Variants in GLRA3 observed in about 807,000 individuals in gnomAD.
The protein encoded by GLRA3 is glycine receptor subunit alpha-3.
A neutral mutation model predicts 60.4 loss-of-function variants in GLRA3; 44 were observed. The observed-to-expected ratio is 0.73, with a 90% confidence interval of 0.57 to 0.94. GLRA3 has a LOEUF of 0.94. GLRA3 is among the 40% of genes least tolerant of loss of function. The pLI, the probability that GLRA3 is intolerant of heterozygous loss-of-function variation, is 0.00. For synonymous variants in GLRA3, 223 were observed against 192.9 expected, an observed-to-expected ratio of 1.16 and a Z score of -1.29; for missense variants, 508 against 564.6, an observed-to-expected ratio of 0.90 and a Z score of 1.02.
intron 3 of GLRA3, among the ~76,000 whole-genome samples, chr4:174,764,217 AAT>A (rs1422550558): frequency 6.6e-6 from 1 of 151,006 alleles, no homozygotes; most frequent in African/African-American, 2.5e-5. Flanking sequence ...AAAGTAGACT[AAT>A]AGAGAAATTT....
At chr4:174,704,953 G>C (rs7658261) in intron 5 of GLRA3, among the ~76,000 whole-genome samples, 62,613 of 141,584 alleles carry the variant, frequency 0.44, 18,962 homozygotes, top group East Asian at 0.92. Context: ...GAAATGGAGA[G>C]TTGTTTAATG....
chr4:174,803,835 A>G (rs1482444994), intron 1 of GLRA3, among the ~76,000 whole-genome samples: 3 of 152,208 alleles, frequency 2.0e-5, no homozygotes, highest in Admixed American at 2.0e-4. Context: ...GCACCATAAA[A>G]TTAAGAATCT....
At chr4:174,741,189 C>T (rs563602719) in intron 3 of GLRA3, among the ~76,000 whole-genome samples, 23 of 152,224 alleles carry the variant, frequency 1.5e-4, no homozygotes, top group Middle Eastern at 3.4e-3. Context: ...TTTGCACTTC[C>T]GTCAATTATA....
chr4:174,782,481 G>A (rs1166548253), intron 2 of GLRA3, among the ~76,000 whole-genome samples: 1 of 149,044 alleles, frequency 6.7e-6, no homozygotes, highest in Non-Finnish European at 1.5e-5. Flanking sequence ...AATTAGGCAG[G>A]AGAAGGAAAT....
intron 3 of GLRA3, among the ~76,000 whole-genome samples, chr4:174,736,605 A>C (rs781482869): frequency 6.6e-6 from 1 of 152,224 alleles, no homozygotes; most frequent in African/African-American, 2.4e-5. Flanking sequence ...TCCACTTAGC[A>C]TAAGTTTTTA....
intron 1 of GLRA3, 21 bp from the exon 2 acceptor site, chr4:174,788,964 A>G (rs759290680): frequency 1.3e-6 from 2 of 1,506,788 alleles, no homozygotes; most frequent in Non-Finnish European, 1.8e-6. Context: ...GAACAAAAAT[A>G]TAGACTTTAC....
At chr4:174,693,572 A>G (rs58123198) in intron 5 of GLRA3, among the ~76,000 whole-genome samples, 8,847 of 152,168 alleles carry the variant, frequency 0.058, 301 homozygotes, top group South Asian at 0.12. Context: ...CTTGTAGTAT[A>G]GTTTAAAGTT....
intron 7 of GLRA3, among the ~76,000 whole-genome samples, chr4:174,675,306 A>C (rs2110947316): frequency 6.6e-6 from 1 of 152,280 alleles, no homozygotes; most frequent in East Asian, 1.9e-4. Context: ...TTGAGAAAAA[A>C]ATACAAAGCA....
At chr4:174,753,757 G>A (rs1405571582) in intron 3 of GLRA3, among the ~76,000 whole-genome samples, 1 of 152,178 alleles carries the variant, frequency 6.6e-6, no homozygotes, top group Non-Finnish European at 1.5e-5. Context: ...AGGCAGAAAA[G>A]AGAAGAGTTG....
chr4:174,712,852 T>TAC (rs923077743), intron 5 of GLRA3: 15 of 152,056 alleles, frequency 9.9e-5, no homozygotes, highest in African/African-American at 3.6e-4. Flanking sequence ...CATGCATATA[T>TAC]ACACACATAT....
chr4:174,698,594 AAT>A (rs1336887608), intron 5 of GLRA3, among the ~76,000 whole-genome samples: 2 of 152,222 alleles, frequency 1.3e-5, no homozygotes, highest in Admixed American at 6.5e-5. Flanking sequence ...AGTTCTGCAT[AAT>A]ATTAGCAAGA....
intron 1 of GLRA3, among the ~76,000 whole-genome samples, chr4:174,805,441 CA>C (rs1018494709): frequency 6.6e-6 from 1 of 152,110 alleles, no homozygotes; most frequent in Non-Finnish European, 1.5e-5. Context: ...TGAGAACACT[CA>C]AGAAGCTACA....
chr4:174,653,437 T>C (rs957429313), intron 9 of GLRA3, among the ~76,000 whole-genome samples: 2 of 151,956 alleles, frequency 1.3e-5, no homozygotes, highest in African/African-American at 4.8e-5. Flanking sequence ...AGTCAATCGT[T>C]AATATAAAAT....
rs28646055 is a variant in GLRA3, at chr4:174,796,993, G to C, written c.72-8050C>G. 4.8e-3 allele frequency among the ~76,000 whole-genome samples: 736 copies of C among 152,184 alleles called. 4 individuals carry two copies. Among genetic ancestry groups the C allele is most frequent in the African/African-American group, 0.017 (714 of 41,488 alleles). On this transcript the variant is annotated intron_variant, in intron 1 of 9. Transcript: ENST00000274093. ...TTAGCAGACAGCCCTTAGAAAACTA[G>C]TCATTTAAGGGAACTCACAGTAATA...
intron 1 of GLRA3, among the ~76,000 whole-genome samples, chr4:174,798,306 G>C (rs1381984657): frequency 6.6e-6 from 1 of 151,992 alleles, no homozygotes; most frequent in Non-Finnish European, 1.5e-5. Context: ...TAGAGTTATG[G>C]GCCCTTGTGA....
At chr4:174,771,709 A>G (rs1738394188) in intron 2 of GLRA3, among the ~76,000 whole-genome samples, 2 of 152,154 alleles carry the variant, frequency 1.3e-5, no homozygotes, top group South Asian at 4.1e-4. Context: ...AATAAATAAA[A>G]GAGTGGGGAG....
At chr4:174,664,709 G>A (rs1026175530) in intron 7 of GLRA3, among the ~76,000 whole-genome samples, 3 of 152,102 alleles carry the variant, frequency 2.0e-5, no homozygotes, top group South Asian at 2.1e-4. Context: ...CATTGCTTTA[G>A]GCTTACAGTT....
chr4:174,691,310 T>C (rs546211553), intron 5 of GLRA3, among the ~76,000 whole-genome samples: 1 of 152,338 alleles, frequency 6.6e-6, no homozygotes, highest in Non-Finnish European at 1.5e-5. Flanking sequence ...TGAACTTTTT[T>C]TCATAAGAAA....
chr4:174,770,802 G>A (rs1738349770), intron 2 of GLRA3, among the ~76,000 whole-genome samples: 1 of 151,952 alleles, frequency 6.6e-6, no homozygotes, highest in Non-Finnish European at 1.5e-5. Flanking sequence ...TAAGATGAGA[G>A]CAGTGTGTTA....
Sources: gnomAD v4.1 joint callset for allele counts (sites outside exome capture counted in the v4.1 genomes callset) on GRCh38, gnomAD v4.1.1 for gene constraint, MANE v1.5 for transcripts, NCBI Gene and HGNC (gene_info 2026-07-23, HGNC 2026-07-21) for gene names.